Variants in PPM1E observed in about 807,000 individuals in gnomAD.
PPM1E encodes protein phosphatase, Mg2+/Mn2+ dependent 1E, also known as protein phosphatase 1E.
In PPM1E, 20 loss-of-function variants were observed where a neutral mutation model predicts 65.9. The observed-to-expected ratio is 0.30, with a 90% confidence interval of 0.21 to 0.44. The LOEUF (loss-of-function observed/expected upper bound fraction) is 0.44. PPM1E is among the 20% of genes least tolerant of loss of function. The pLI, the probability that PPM1E is intolerant of heterozygous loss-of-function variation, is 1.00. For synonymous variants in PPM1E, 352 were observed against 374.9 expected, an observed-to-expected ratio of 0.94 and a Z score of 0.70; for missense variants, 713 against 953.1, an observed-to-expected ratio of 0.75 and a Z score of 3.32.
At chr17:58,843,320 C>T (rs2050738882) in intron 1 of PPM1E, among the ~76,000 whole-genome samples, 1 of 144,466 alleles carries the variant, frequency 6.9e-6, no homozygotes, top group South Asian at 2.2e-4. Flanking sequence ...AGTGAGACTC[C>T]CTCTCAAAAA....
At chr17:58,971,496 TGTTA>T (rs2030620675) in intron 4 of PPM1E, among the ~76,000 whole-genome samples, 1 of 152,170 alleles carries the variant, frequency 6.6e-6, no homozygotes, top group South Asian at 2.1e-4. Flanking sequence ...AATTCCAGGC[TGTTA>T]GTTCTTTATG....
intron 1 of PPM1E, among the ~76,000 whole-genome samples, chr17:58,889,463 G>A (rs2051319334): frequency 6.6e-6 from 1 of 152,252 alleles, no homozygotes; most frequent in South Asian, 2.1e-4. Context: ...ACTGGGCGTG[G>A]TGGCACATGC....
chr17:58,782,548 C>T lies in PPM1E; in HGVS notation c.464+26087C>T, dbSNP rs535302107. Among the ~76,000 whole-genome samples the T allele has an allele frequency of 1.2e-4, 18 of 151,044 alleles. No individual in the cohort carries two copies. In the South Asian group the frequency reaches 2.7e-3, roughly 23 times the overall value. On this transcript the variant is annotated intron_variant, in intron 1 of 6. Transcript: ENST00000308249. ...TCCCAAGTAGCTGGGATTACAGGTG[C>T]GTGCCACCACGCCTGGCTAATTTTT...
intron 1 of PPM1E, among the ~76,000 whole-genome samples, chr17:58,777,702 A>G (rs1042321656): frequency 6.6e-6 from 1 of 152,190 alleles, no homozygotes; most frequent in East Asian, 1.9e-4. Context: ...CTGTTTCTCA[A>G]ATAAACAGAA....
intron 2 of PPM1E, among the ~76,000 whole-genome samples, chr17:58,957,083 C>T (rs1296618294): frequency 1.3e-5 from 2 of 152,100 alleles, no homozygotes; most frequent in African/African-American, 4.8e-5. Context: ...AGAGTAAAAG[C>T]CTTATAATGA....
chr17:58,815,602 A>G (rs2050407465), intron 1 of PPM1E, among the ~76,000 whole-genome samples: 2 of 152,206 alleles, frequency 1.3e-5, no homozygotes, highest in Non-Finnish European at 2.9e-5. Context: ...AATATTTTCT[A>G]AGGTGTTTTT....
chr17:58,880,526 A>G (rs1299957280), intron 1 of PPM1E, among the ~76,000 whole-genome samples: 1 of 152,206 alleles, frequency 6.6e-6, no homozygotes, highest in Non-Finnish European at 1.5e-5. Context: ...ACATGTATGT[A>G]ATCTTTTGGC....
intron 1 of PPM1E, among the ~76,000 whole-genome samples, chr17:58,812,193 A>G (rs1351591635): frequency 1.3e-5 from 2 of 150,642 alleles, no homozygotes; most frequent in African/African-American, 2.4e-5. Flanking sequence ...AGTCCCAGCT[A>G]CCAGGGAGGC....
chr17:58,928,545 C>G (rs2051852517), intron 1 of PPM1E, among the ~76,000 whole-genome samples: 1 of 151,852 alleles, frequency 6.6e-6, no homozygotes, highest in South Asian at 2.1e-4. Context: ...TATACATTGT[C>G]AATGGGCTTG....
chr17:58,968,998 A>G (rs1390729035), intron 3 of PPM1E, among the ~76,000 whole-genome samples: 1 of 152,220 alleles, frequency 6.6e-6, no homozygotes, highest in Non-Finnish European at 1.5e-5. Context: ...ATGATTTATG[A>G]AGAAGGTATT....
At chr17:58,778,474 A>C (rs1292376743) in intron 1 of PPM1E, among the ~76,000 whole-genome samples, 1 of 133,952 alleles carries the variant, frequency 7.5e-6, no homozygotes, top group Non-Finnish European at 1.5e-5. Flanking sequence ...CAGTGTCATG[A>C]TCTTGGCTCA....
chr17:58,956,196 G>A (rs1289299207), intron 2 of PPM1E, among the ~76,000 whole-genome samples: 1 of 152,198 alleles, frequency 6.6e-6, no homozygotes, highest in Non-Finnish European at 1.5e-5. Context: ...CAGCGTGAGA[G>A]GCTGAGGTGG....
intron 1 of PPM1E, among the ~76,000 whole-genome samples, chr17:58,927,592 T>A (rs1007204398): frequency 6.6e-6 from 1 of 152,178 alleles, no homozygotes; most frequent in African/African-American, 2.4e-5. Context: ...GGGCCTTTGT[T>A]ACTGTAGCAG....
At chr17:58,806,203 T>C (rs1185446149) in intron 1 of PPM1E, among the ~76,000 whole-genome samples, 1 of 151,950 alleles carries the variant, frequency 6.6e-6, no homozygotes, top group Non-Finnish European at 1.5e-5. Context: ...TTGTGGAGTT[T>C]ATAGCAGCAA....
intron 1 of PPM1E, among the ~76,000 whole-genome samples, chr17:58,792,344 A>T (rs1460303909): frequency 2.0e-5 from 3 of 151,188 alleles, no homozygotes; most frequent in Non-Finnish European, 4.4e-5. Context: ...CACAATAATG[A>T]TTACTATTAT....
chr17:58,854,022 A>G (rs2050855965), intron 1 of PPM1E, among the ~76,000 whole-genome samples: 1 of 152,140 alleles, frequency 6.6e-6, no homozygotes, highest in African/African-American at 2.4e-5. Flanking sequence ...TAATATTGAC[A>G]TCTGAACAAT....
chr17:58,978,530 G>A (rs1263716889), intron 6 of PPM1E, among the ~76,000 whole-genome samples: 1 of 152,040 alleles, frequency 6.6e-6, no homozygotes, highest in Admixed American at 6.6e-5. Context: ...GGCCAATATG[G>A]TGAAACCCCG....
intron 1 of PPM1E, among the ~76,000 whole-genome samples, chr17:58,794,004 C>T (rs2050182365): frequency 6.6e-6 from 1 of 152,052 alleles, no homozygotes; most frequent in Non-Finnish European, 1.5e-5. Flanking sequence ...CCACTGTGGC[C>T]TGATCTCAGC....
chr17:58,790,196 C>G (rs975284794), intron 1 of PPM1E, among the ~76,000 whole-genome samples: 2 of 151,952 alleles, frequency 1.3e-5, no homozygotes, highest in African/African-American at 4.8e-5. Flanking sequence ...GTAGCTAGGA[C>G]TACAGGTGTA....
Sources: gnomAD v4.1 joint callset for allele counts (sites outside exome capture counted in the v4.1 genomes callset) on GRCh38, gnomAD v4.1.1 for gene constraint, MANE v1.5 for transcripts, NCBI Gene and HGNC (gene_info 2026-07-23, HGNC 2026-07-21) for gene names.